RBPMS2: variants seen among roughly 807,000 people sequenced by gnomAD.
RBPMS2 encodes the protein RNA-binding protein with multiple splicing 2.
Under a neutral mutation model 25.7 loss-of-function variants are expected in RBPMS2, and 14 were observed. The ratio of observed to expected loss-of-function variants is 0.55; its 90% CI spans 0.36 to 0.85. The LOEUF is 0.85. Ranked by LOEUF, RBPMS2 falls within the 40% of genes least tolerant of loss-of-function variation. The pLI, the probability that RBPMS2 is intolerant of heterozygous loss-of-function variation, is 0.01. For missense variants in RBPMS2, 252 were observed against 283.4 expected (o/e 0.89, Z 0.80); for synonymous variants, 127 against 115.6 (o/e 1.10, Z -0.63).
At chr15:64,762,119 G>A (rs888140850) in intron 1 of RBPMS2, among the ~76,000 whole-genome samples, 4 of 152,096 alleles carry the variant, frequency 2.6e-5, no homozygotes, top group Admixed American at 6.6e-5. Context: ...AGTGACTCAC[G>A]CCTGGCCTGG....
intron 6 of RBPMS2, among the ~76,000 whole-genome samples, chr15:64,747,319 C>G (rs1408883137): frequency 1.3e-5 from 2 of 152,180 alleles, no homozygotes; most frequent in African/African-American, 4.8e-5. Flanking sequence ...GTACACACAG[C>G]TCTCGGGCAG....
intron 6 of RBPMS2, among the ~76,000 whole-genome samples, chr15:64,747,453 C>G (rs950770674): frequency 6.6e-6 from 1 of 152,222 alleles, no homozygotes; most frequent in Admixed American, 6.5e-5. Context: ...TTCTCTCCTT[C>G]GCAGCAGCAC....
At chr15:64,747,202 T>C (rs2083625138) in intron 6 of RBPMS2, among the ~76,000 whole-genome samples, 1 of 152,156 alleles carries the variant, frequency 6.6e-6, no homozygotes, top group Non-Finnish European at 1.5e-5. Context: ...ATTCCCCTGC[T>C]GGGGAAAACA....
At position 64,740,685 on chromosome 15, in the gene RBPMS2, G is replaced by C. The variant is rs571735631; in HGVS notation, c.*323C>G. 6.2e-4 allele frequency: 98 copies of C among 158,576 alleles called. No individual in the cohort carries two copies. Among genetic ancestry groups the C allele is most frequent in the South Asian group, 4.2e-3 (23 of 5,424 alleles). 9.8% of individuals were successfully genotyped at this position (158,576 alleles called of 1,614,324 possible). A position where few individuals can be genotyped will look rare whatever the true frequency, so the allele number is the denominator to read the frequency against. On this transcript the variant is annotated 3_prime_UTR_variant, in exon 8 of 8. Transcript: ENST00000300069. ...AAATTAAACACCTCACTTCCTCGAG[G>C]GGGAGCTACAGAAGCAAGTTTGGGC...
chr15:64,750,899 A>G (rs538854013), intron 2 of RBPMS2, among the ~76,000 whole-genome samples: 24 of 152,000 alleles, frequency 1.6e-4, no homozygotes, highest in African/African-American at 5.3e-4. Context: ...CTAGCCAGGC[A>G]TGGTGGAGGG....
chr15:64,760,830 C>T (rs919457356), intron 1 of RBPMS2, among the ~76,000 whole-genome samples: 48 of 151,452 alleles, frequency 3.2e-4, no homozygotes, highest in African/African-American at 1.1e-3. Context: ...GCAAACAGAC[C>T]CTTCTCCACC....
intron 1 of RBPMS2, among the ~76,000 whole-genome samples, chr15:64,753,368 G>A (rs1351100359): frequency 1.3e-5 from 2 of 152,152 alleles, no homozygotes; most frequent in African/African-American, 2.4e-5. Flanking sequence ...GTGATGGCCC[G>A]CTGACCCCAG....
At chr15:64,749,897 C>G (rs1315929517) in intron 3 of RBPMS2, among the ~76,000 whole-genome samples, 1 of 152,178 alleles carries the variant, frequency 6.6e-6, no homozygotes. Context: ...TATCAAGGAG[C>G]AATAGGTTGA....
intron 1 of RBPMS2, among the ~76,000 whole-genome samples, chr15:64,768,873 G>A (rs982426621): frequency 6.6e-6 from 1 of 150,416 alleles, no homozygotes; most frequent in Non-Finnish European, 1.5e-5. Flanking sequence ...GGCCAAGGTG[G>A]GTGGATCACC....
intron 6 of RBPMS2, 23 bp from the exon 7 acceptor site, chr15:64,741,265 G>A (rs937510619): frequency 6.4e-7 from 1 of 1,570,996 alleles, no homozygotes; most frequent in African/African-American, 1.4e-5. Flanking sequence ...CCAACGTCAG[G>A]AGCCAGCTGT....
At chr15:64,763,499 T>C (rs1407169667) in intron 1 of RBPMS2, among the ~76,000 whole-genome samples, 1 of 152,204 alleles carries the variant, frequency 6.6e-6, no homozygotes, top group Non-Finnish European at 1.5e-5. Context: ...TCTGGTGTTC[T>C]GCCTGCCCCT....
intron 1 of RBPMS2, among the ~76,000 whole-genome samples, chr15:64,768,005 T>C (rs1396886155): frequency 6.6e-6 from 1 of 152,172 alleles, no homozygotes; most frequent in Non-Finnish European, 1.5e-5. Flanking sequence ...TGGTTCTCTC[T>C]GGGGCAGACT....
Position 64,775,310 on chromosome 15 carries a change from G to A in RBPMS2, c.10C>T (p.Leu4=), listed in dbSNP as rs1425748636. The stretch of plus-strand genomic sequence containing the variant: ...CCGCCGTGCTCGCCGTCCGGCTTCA[G>A]GTTGCTCATGGTGCGGGGGAGGGGG... MSN[L]KPDGEHGGST... Residue 4 remains leucine (L), a synonymous_variant, in exon 1 of 8, where the codon CTG becomes TTG. Coordinates refer to ENST00000300069, the MANE Select transcript of RBPMS2 (RefSeq NM_194272.3). 7.4e-7 allele frequency: 1 copy of A among 1,343,290 alleles called. No homozygotes were observed. The highest frequency in any genetic ancestry group is 9.6e-7 in the Non-Finnish European group (1 of 1,041,046). 83.2% of individuals were successfully genotyped at this position (1,343,290 alleles called of 1,614,324 possible). A position where few individuals can be genotyped will look rare whatever the true frequency, so the allele number is the denominator to read the frequency against.
rs1379980136 is a variant in RBPMS2, at chr15:64,740,009, C to T, written c.*999G>A. ...GTCTGAAATGGCCAGACGGTCACAGCTGCGGCTGACAGTAAAGCACTGATA... is the reference window on the plus strand; with the variant it reads ...GTCTGAAATGGCCAGACGGTCACAGTTGCGGCTGACAGTAAAGCACTGATA... On this transcript the variant is annotated 3_prime_UTR_variant, in exon 8 of 8. Transcript: ENST00000300069. 2.0e-5 allele frequency: 3 copies of T among 152,680 alleles called. No homozygotes were observed. The highest frequency in any genetic ancestry group is 4.4e-5 in the Non-Finnish European group (3 of 68,052). The allele number at this position is 152,680 out of a possible 1,614,324, so 9.5% of individuals were successfully genotyped here. A position where few individuals can be genotyped will look rare whatever the true frequency, so the allele number is the denominator to read the frequency against.
intron 1 of RBPMS2, among the ~76,000 whole-genome samples, chr15:64,765,226 C>CAA (rs34231406): frequency 1.8e-3 from 90 of 50,886 alleles, no homozygotes; most frequent in African/African-American, 4.3e-3. Context: ...GACTCTGTCT[C>CAA]AAAAAAAAAA....
chr15:64,749,887 T>C (rs183625752), intron 3 of RBPMS2, among the ~76,000 whole-genome samples: 50 of 152,344 alleles, frequency 3.3e-4, no homozygotes, highest in Non-Finnish European at 6.3e-4. Flanking sequence ...ACTCCGGTTC[T>C]ATCAAGGAGC....
intron 1 of RBPMS2, among the ~76,000 whole-genome samples, chr15:64,772,759 T>C (rs771553164): frequency 4.8e-4 from 72 of 151,522 alleles, no homozygotes; most frequent in Non-Finnish European, 9.0e-4. Flanking sequence ...TGGTACCATG[T>C]GCTCATATGC....
intron 1 of RBPMS2, among the ~76,000 whole-genome samples, chr15:64,765,898 CAGG>C (rs2083842124): frequency 1.3e-5 from 2 of 151,932 alleles, no homozygotes; most frequent in Admixed American, 6.6e-5. Flanking sequence ...GAGGCTGAGG[CAGG>C]AGAATTGCTT....
chr15:64,759,250 G>A (rs1298789797), intron 1 of RBPMS2, among the ~76,000 whole-genome samples: 1 of 152,188 alleles, frequency 6.6e-6, no homozygotes, highest in Non-Finnish European at 1.5e-5. Flanking sequence ...GTTTCTGGAG[G>A]CCCCTGGAAT....
Sources: allele counts gnomAD v4.1 joint callset (sites outside exome capture counted in the v4.1 genomes callset), GRCh38; gene constraint gnomAD v4.1.1; transcripts MANE v1.5; gene names NCBI Gene and HGNC (gene_info 2026-07-23, HGNC 2026-07-21).